Variants in RNPEP observed in about 807,000 individuals in gnomAD.
RNPEP encodes the protein arginyl aminopeptidase.
A neutral mutation model predicts 70.1 loss-of-function variants in RNPEP; 57 were observed. That is an observed-to-expected ratio of 0.81 (90% CI 0.66 to 1.01). The LOEUF (loss-of-function observed/expected upper bound fraction) is 1.01. Ranked by LOEUF, RNPEP falls within the 50% of genes least tolerant of loss-of-function variation. The pLI, the probability that RNPEP is intolerant of heterozygous loss-of-function variation, is 0.00. For missense variants in RNPEP, 787 were observed against 852.4 expected, an observed-to-expected ratio of 0.92 and a Z score of 0.96; for synonymous variants, 335 against 357.4, an observed-to-expected ratio of 0.94 and a Z score of 0.71.
intron 1 of RNPEP, chr1:201,983,812 T>G: frequency 9.2e-7 from 1 of 1,083,916 alleles, no homozygotes; most frequent in South Asian, 2.4e-5. Context: ...TGGAGTTATG[T>G]GGCTTATGTC....
At chr1:201,996,352 C>A in intron 4 of RNPEP, 89 bp downstream of exon 4, 2 of 904,254 alleles carry the variant, frequency 2.2e-6, no homozygotes, top group Non-Finnish European at 3.7e-6. Flanking sequence ...CCACCTCCTG[C>A]CTCCCAGAGC....
In RNPEP at chr1:202,005,367, A is replaced by T. The variant is rs146441263; in HGVS notation, c.1795-191A>T. Among the ~76,000 whole-genome samples, 5 of 152,264 alleles carry T rather than the reference A, an allele frequency of 3.3e-5. No individual in the cohort carries two copies. In the East Asian group the frequency reaches 9.7e-4, roughly 30 times the overall value. On this transcript the variant is annotated intron_variant, in intron 10 of 10. Transcript: ENST00000295640. ...GGGACGCGTATTGAGATCCATCTCC[A>T]TGGATCTCTGGCGCCCAAGAAGATG...
intron 5 of RNPEP, 53 bp from the exon 6 acceptor site, chr1:201,999,849 C>T: frequency 7.0e-7 from 1 of 1,420,902 alleles, no homozygotes; most frequent in Non-Finnish European, 9.8e-7. Flanking sequence ...GGAAAATACA[C>T]TTGGATGTGG....
chr1:202,003,706 C>T (rs1239775992), intron 9 of RNPEP, among the ~76,000 whole-genome samples: 3 of 152,180 alleles, frequency 2.0e-5, no homozygotes, highest in African/African-American at 7.2e-5. Flanking sequence ...CTTACAAGCA[C>T]CTCAAGGACA....
chr1:202,001,364 C>G lies in RNPEP; in HGVS notation c.1205-12C>G, dbSNP rs1683799202. ...CAAAAGCTCAAATCTTGTCTGCTTT[C>G]TCCTCTGCCAGGCGTTGACCCGGAC... On this transcript the variant is annotated splice_polypyrimidine_tract_variant and intron_variant, in intron 6 of 10. Coordinates refer to ENST00000295640, the MANE Select transcript of RNPEP (RefSeq NM_020216.4). 6.3e-7 allele frequency: 1 copy of G among 1,593,128 alleles called. No individual in the cohort carries two copies. Among genetic ancestry groups the G allele is most frequent in the Non-Finnish European group, 8.6e-7 (1 of 1,161,022 alleles).
chr1:201,988,969 G>A lies in RNPEP; in HGVS notation c.513G>A (p.Gln171=), dbSNP rs1436042044. Residue 171 remains glutamine (Q), a synonymous_variant, in exon 2 of 11, where the codon CAG becomes CAA. Transcript: ENST00000295640. The part of the protein sequence containing the change: ...KKKPFVYTQG[Q]AVLNRAFFPC... ...AGCCCTTCGTGTACACCCAGGGCCA[G>A]GCTGTCCTAAACCGGGCCTTCTTCC... The A allele has an allele frequency of 6.2e-7, 1 of 1,614,036 alleles. No individual in the cohort carries two copies. The highest frequency in any genetic ancestry group is 1.7e-5 in the Admixed American group (1 of 60,014).
At chr1:202,000,177 CTG>C (rs1683740364) in intron 6 of RNPEP, 162 bp downstream of exon 6, 2 of 576,336 alleles carry the variant, frequency 3.5e-6, no homozygotes, top group Non-Finnish European at 6.1e-6. Context: ...CCTGGGCTGA[CTG>C]AACCCAAGCC....
In RNPEP at chr1:201,984,293, C is replaced by T. The variant is rs1474979188; in HGVS notation, c.447+1180C>T. ...CATCAGTCAGTATATGTAAGAAGTA[C>T]ATTGGTTGGGTCTGAAAAGGTGGGA... On this transcript the variant is annotated intron_variant, in intron 1 of 10. Transcript: ENST00000295640. 2.0e-5 allele frequency among the ~76,000 whole-genome samples: 3 copies of T among 152,160 alleles called. No homozygotes were observed. In the East Asian group the frequency reaches 5.8e-4, roughly 29 times the overall value.
chr1:201,997,497 T>G lies in RNPEP; in HGVS notation c.1033T>G (p.Trp345Gly). ...CACCAACGCCAACTGGGGTGAATTC[T>G]GGCTCAATGAAGGTTTCACCATGTA... ...LVTNANWGEF[W>G]LNEGFTMYAQ... The change falls in exon 5 of 11, where the codon TGG (tryptophan) becomes GGG (glycine). Residue 345 changes from tryptophan to glycine, a missense_variant. By Grantham distance (184) the Trp-to-Gly change is radical. Coordinates refer to ENST00000295640, the MANE Select transcript of RNPEP (RefSeq NM_020216.4). The G allele has an allele frequency of 6.2e-7, 1 of 1,614,166 alleles. No individual in the cohort carries two copies. The highest frequency in any genetic ancestry group is 8.5e-7 in the Non-Finnish European group (1 of 1,180,040).
At chr1:201,983,176 G>T in intron 1 of RNPEP, 63 bp downstream of exon 1, 1 of 1,421,878 alleles carries the variant, frequency 7.0e-7, no homozygotes. Context: ...CAGCCGCCCT[G>T]CACCCTCACC....
intron 10 of RNPEP, among the ~76,000 whole-genome samples, chr1:202,005,252 C>T (rs1038623918): frequency 6.6e-6 from 1 of 152,186 alleles, no homozygotes; most frequent in Non-Finnish European, 1.5e-5. Flanking sequence ...TGGCTCACCA[C>T]CTACACCTTT....
chr1:201,989,500 G>A lies in RNPEP; in HGVS notation c.706G>A (p.Gly236Arg), dbSNP rs201047350. Reference sequence around the variant, plus strand: ...CTCCTATCTGATAGCTTTGGCCATCGGAGATCTGGTTTCGGCTGAAGTTGG... The same window carrying A: ...CTCCTATCTGATAGCTTTGGCCATCAGAGATCTGGTTTCGGCTGAAGTTGG... ...IPSYLIALAI[G>R]DLVSAEVGPR... Residue 236 changes from glycine to arginine, a missense_variant, in exon 3 of 11, where the codon GGA becomes AGA. Gly to Arg is a moderately radical substitution (Grantham distance 125). Coordinates refer to ENST00000295640, the MANE Select transcript of RNPEP (RefSeq NM_020216.4). 3.5e-5 allele frequency: 56 copies of A among 1,613,990 alleles called. 1 individual carries two copies. Among genetic ancestry groups the A allele is most frequent in the African/African-American group, 2.4e-4 (18 of 74,904 alleles).
At chr1:201,984,576 T>C (rs1222432472) in intron 1 of RNPEP, among the ~76,000 whole-genome samples, 1 of 152,048 alleles carries the variant, frequency 6.6e-6, no homozygotes, top group Non-Finnish European at 1.5e-5. Flanking sequence ...ATAACACCAC[T>C]GCACTCCAGC....
In RNPEP at chr1:201,982,908, ACT is replaced by A. The variant is rs1682989499; in HGVS notation, c.244_245del (p.Ser82AlafsTer106). The stretch of plus-strand genomic sequence containing the variant: ...GAGGGCGCCGCCGAGCTGCGGCTGG[ACT>A]CGCACCCGTGCCTGGAGGTGACGGC... On this transcript the variant is annotated frameshift_variant, in exon 1 of 11. Transcript: ENST00000295640. LOFTEE classifies it high-confidence loss of function. 3 of 1,463,658 alleles carry A rather than the reference ACT, an allele frequency of 2.0e-6. No individual in the cohort carries two copies. In the East Asian group the frequency reaches 9.0e-5, roughly 44 times the overall value. 90.7% of individuals were successfully genotyped at this position (1,463,658 alleles called of 1,614,324 possible). A position where few individuals can be genotyped will look rare whatever the true frequency, so the allele number is the denominator to read the frequency against.
At chr1:202,005,470 G>T in intron 10 of RNPEP, 88 bp from the exon 11 acceptor site, 1 of 1,468,474 alleles carries the variant, frequency 6.8e-7, no homozygotes, top group South Asian at 1.2e-5. Context: ...CCTAGCCATG[G>T]CTGCTGTTAG....
At chr1:201,993,965 C>A (rs1292079433) in intron 3 of RNPEP, among the ~76,000 whole-genome samples, 1 of 151,340 alleles carries the variant, frequency 6.6e-6, no homozygotes, top group African/African-American at 2.4e-5. Flanking sequence ...CCCACCCTTG[C>A]CATGCCGTTG....
intron 5 of RNPEP, among the ~76,000 whole-genome samples, chr1:201,999,204 G>A (rs568342732): frequency 4.0e-5 from 6 of 150,150 alleles, no homozygotes; most frequent in East Asian, 2.0e-4. Context: ...GCAACAGAGC[G>A]AGACTCTGTC....
intron 3 of RNPEP, among the ~76,000 whole-genome samples, chr1:201,993,806 C>A (rs760455003): frequency 6.6e-6 from 1 of 151,952 alleles, no homozygotes; most frequent in Non-Finnish European, 1.5e-5. Flanking sequence ...CTCAAAAAAC[C>A]CTTAACTCCA....
At chr1:201,991,068 G>A (rs1683314290) in intron 3 of RNPEP, among the ~76,000 whole-genome samples, 1 of 152,108 alleles carries the variant, frequency 6.6e-6, no homozygotes, top group South Asian at 2.1e-4. Context: ...GTGATTAAAT[G>A]GACAGTTCTT....
Sources: allele counts gnomAD v4.1 joint callset (sites outside exome capture counted in the v4.1 genomes callset), GRCh38; gene constraint gnomAD v4.1.1; transcripts MANE v1.5; gene names NCBI Gene and HGNC (gene_info 2026-07-23, HGNC 2026-07-21).